The following DOCK10 variants were observed in gnomAD, a reference collection of about 807,000 sequenced individuals.
The protein encoded by DOCK10 is dedicator of cytokinesis 10.
In DOCK10, 145 loss-of-function variants were observed where a neutral mutation model predicts 280.1. That is an observed-to-expected ratio of 0.52 (90% CI 0.45 to 0.59). The LOEUF is 0.59. Ranked by LOEUF, DOCK10 falls within the 20% of genes least tolerant of loss-of-function variation. The pLI, the probability that DOCK10 is intolerant of heterozygous loss-of-function variation, is 0.00. For synonymous variants in DOCK10, 915 were observed against 942.2 expected (o/e 0.97, Z 0.53); for missense variants, 2,368 against 2,651.7 (o/e 0.89, Z 2.35).
chr2:224,968,241 A>G (rs1251450468), intron 1 of DOCK10, among the ~76,000 whole-genome samples: 1 of 152,242 alleles, frequency 6.6e-6, no homozygotes, highest in African/African-American at 2.4e-5. Flanking sequence ...GCTGACCGAA[A>G]TAATTCCCAT....
At chr2:224,776,694 C>T (rs10171297) in intron 51 of DOCK10, among the ~76,000 whole-genome samples, 2,720 of 152,270 alleles carry the variant, frequency 0.018, 72 homozygotes, top group African/African-American at 0.057. Flanking sequence ...GCACAAACCA[C>T]CTTTTCCAGC....
chr2:224,942,069 C>T (rs991034343), intron 1 of DOCK10, among the ~76,000 whole-genome samples: 1 of 152,232 alleles, frequency 6.6e-6, no homozygotes, highest in African/African-American at 2.4e-5. Flanking sequence ...TACTCTTCTT[C>T]TCTAGCAAAT....
chr2:225,000,658 AG>A (rs1175097302), intron 1 of DOCK10, among the ~76,000 whole-genome samples: 1 of 152,188 alleles, frequency 6.6e-6, no homozygotes, highest in African/African-American at 2.4e-5. Context: ...CCTCAGAGAA[AG>A]GTTGCCCGAA....
At chr2:224,919,421 G>A (rs1227735784) in intron 2 of DOCK10, among the ~76,000 whole-genome samples, 1 of 151,576 alleles carries the variant, frequency 6.6e-6, no homozygotes, top group East Asian at 2.0e-4. Flanking sequence ...TGTAGAGTGT[G>A]TCTGCATGTG....
At chr2:224,796,167 G>A (rs1351701071) in intron 44 of DOCK10, 149 bp downstream of exon 44, 3 of 589,366 alleles carry the variant, frequency 5.1e-6, no homozygotes, top group Non-Finnish European at 9.0e-6. Flanking sequence ...GGCCTCAAGC[G>A]ATCCTCCTGC....
rs376017893 is a variant in DOCK10 at position 224,778,234 on chromosome 2, C to G, written c.5706G>C (p.Lys1902Asn). ...EGKEYIYKEP[K>N]LTGLSEISQR... ...GGGAAATCTCGGACAGACCTGTCAG[C>G]TTAGGCTCTTTATAAATATACTCTT... is the stretch of plus-strand genomic sequence containing the variant. Residue 1902 changes from lysine (K) to asparagine (N), a missense_variant, in exon 51 of 56, where the codon AAG becomes AAC. Coordinates refer to ENST00000258390, the MANE Select transcript of DOCK10 (RefSeq NM_014689.3). 1.2e-6 allele frequency: 2 copies of G among 1,610,284 alleles called. No homozygotes were observed. Among genetic ancestry groups the G allele is most frequent in the African/African-American group, 2.7e-5 (2 of 74,888 alleles).
chr2:224,996,126 C>A (rs979332052), intron 1 of DOCK10, among the ~76,000 whole-genome samples: 3 of 152,218 alleles, frequency 2.0e-5, no homozygotes, highest in African/African-American at 7.2e-5. Context: ...GCAAGTACTT[C>A]GTTTCTCTCC....
chr2:224,886,637 A>G, intron 4 of DOCK10, 106 bp from the exon 5 acceptor site: 1 of 830,766 alleles, frequency 1.2e-6, no homozygotes, highest in Admixed American at 2.7e-5. Flanking sequence ...TGTTCTTACA[A>G]ATTTCTGTAA....
intron 2 of DOCK10, among the ~76,000 whole-genome samples, chr2:224,927,173 C>G (rs1702082898): frequency 6.6e-6 from 1 of 151,766 alleles, no homozygotes; most frequent in African/African-American, 2.4e-5. Flanking sequence ...GTGTAAAGGC[C>G]CTACCGAGAG....
intron 1 of DOCK10, among the ~76,000 whole-genome samples, chr2:225,021,317 TTGACAAC>T (rs1186184905): frequency 6.6e-6 from 1 of 152,144 alleles, no homozygotes; most frequent in Non-Finnish European, 1.5e-5. Flanking sequence ...AAATAATCAG[TTGACAAC>T]TCTGTCATTT....
At chr2:224,861,046 T>G (rs924585579) in intron 14 of DOCK10, 1 of 152,176 alleles carries the variant, frequency 6.6e-6, no homozygotes, top group Non-Finnish European at 1.5e-5. Context: ...CCCCAGTAGG[T>G]TTTCTGGAGG....
At chr2:224,969,917 C>A (rs912733207) in intron 1 of DOCK10, among the ~76,000 whole-genome samples, 1 of 152,150 alleles carries the variant, frequency 6.6e-6, no homozygotes, top group African/African-American at 2.4e-5. Context: ...TTTCCCTGCT[C>A]GAGGAGCCTC....
intron 4 of DOCK10, among the ~76,000 whole-genome samples, chr2:224,895,828 TGTGC>T (rs771965405): frequency 2.2e-3 from 245 of 109,110 alleles, no homozygotes; most frequent in African/African-American, 2.4e-3. Context: ...TGTGTGTGTG[TGTGC>T]GTGTGTGTGT....
chr2:224,909,895 A>C (rs13024433), intron 3 of DOCK10, among the ~76,000 whole-genome samples: 36,953 of 151,514 alleles, frequency 0.24, 5,038 homozygotes, highest in East Asian at 0.35. Flanking sequence ...TAACAGATAA[A>C]ACAGAAAAGG....
intron 1 of DOCK10, among the ~76,000 whole-genome samples, chr2:224,973,996 G>T (rs1398321191): frequency 6.6e-6 from 1 of 152,162 alleles, no homozygotes; most frequent in African/African-American, 2.4e-5. Context: ...CACTGCCTTA[G>T]GGGAGGCCTT....
chr2:224,877,308 C>G (rs1232198136), intron 7 of DOCK10, among the ~76,000 whole-genome samples: 1 of 152,104 alleles, frequency 6.6e-6, no homozygotes, highest in East Asian at 1.9e-4. Context: ...TCCCTTAAGG[C>G]TACCTCCATG....
chr2:224,812,235 T>G (rs1298615698), intron 31 of DOCK10, among the ~76,000 whole-genome samples: 1 of 152,210 alleles, frequency 6.6e-6, no homozygotes, highest in Non-Finnish European at 1.5e-5. Flanking sequence ...GGTATTTTAT[T>G]CTCTTTGAAG....
chr2:224,797,167 G>C (rs1379224951), intron 42 of DOCK10, 21 bp from the exon 43 acceptor site: 1 of 1,577,978 alleles, frequency 6.3e-7, no homozygotes, highest in African/African-American at 1.4e-5. Context: ...GGAAGAACGG[G>C]TGAAGGGAGC....
At chr2:224,913,729 TA>T (rs912961164) in intron 3 of DOCK10, among the ~76,000 whole-genome samples, 3 of 152,000 alleles carry the variant, frequency 2.0e-5, no homozygotes, top group African/African-American at 7.2e-5. Flanking sequence ...TTTATTTATT[TA>T]TTTATTTATT....
Sources: allele counts gnomAD v4.1 joint callset (sites outside exome capture counted in the v4.1 genomes callset), GRCh38; gene constraint gnomAD v4.1.1; transcripts MANE v1.5; gene names NCBI Gene and HGNC (gene_info 2026-07-23, HGNC 2026-07-21).